PARD3: variants seen among roughly 807,000 people sequenced by gnomAD.
The protein encoded by PARD3 is partitioning defective 3 homolog.
PARD3 carries 75 observed loss-of-function variants against 155.4 expected under a neutral mutation model. The observed-to-expected ratio is 0.48, with a 90% CI of 0.40 to 0.58. PARD3 has a LOEUF of 0.58. Ranked by LOEUF, PARD3 falls within the 20% of genes least tolerant of loss-of-function variation. The pLI, the probability that PARD3 is intolerant of heterozygous loss-of-function variation, is 0.00. For missense variants in PARD3, 1,642 were observed against 1,721.7 expected, an observed-to-expected ratio of 0.95 and a Z score of 0.82; for synonymous variants, 576 against 610.5, an observed-to-expected ratio of 0.94 and a Z score of 0.83.
intron 4 of PARD3, among the ~76,000 whole-genome samples, chr10:34,459,682 T>C (rs1028065382): frequency 1.3e-5 from 2 of 152,164 alleles, no homozygotes; most frequent in African/African-American, 2.4e-5. Flanking sequence ...ATGTGCATCA[T>C]AAATATTTTA....
intron 3 of PARD3, among the ~76,000 whole-genome samples, chr10:34,486,309 TTTTCAGG>T (rs1564768091): frequency 2.0e-5 from 3 of 152,020 alleles, no homozygotes; most frequent in Admixed American, 1.3e-4. Flanking sequence ...CCCGAACTAG[TTTTCAGG>T]TTTACATTGG....
chr10:34,298,929 G>A (rs1957032808), intron 20 of PARD3, among the ~76,000 whole-genome samples: 1 of 152,214 alleles, frequency 6.6e-6, no homozygotes, highest in Non-Finnish European at 1.5e-5. Flanking sequence ...AAGTATTTGA[G>A]TCTGTGCTAC....
At chr10:34,641,868 G>T (rs1205997408) in intron 2 of PARD3, among the ~76,000 whole-genome samples, 11 of 152,170 alleles carry the variant, frequency 7.2e-5, no homozygotes, top group Admixed American at 5.2e-4. Flanking sequence ...CATCCAGAAG[G>T]GAGCGTGGAG....
intron 2 of PARD3, among the ~76,000 whole-genome samples, chr10:34,640,490 A>G (rs943995940): frequency 1.3e-5 from 2 of 151,406 alleles, no homozygotes; most frequent in Middle Eastern, 3.4e-3. Context: ...GGTGGCATGC[A>G]CCTATAGTCC....
Position 34,450,414 on chromosome 10 carries a change from G to A in PARD3, c.617C>T (p.Thr206Ile). 6.2e-7 allele frequency: 1 copy of A among 1,613,746 alleles called. No homozygotes were observed. Among genetic ancestry groups the A allele is most frequent in the Non-Finnish European group, 8.5e-7 (1 of 1,179,826 alleles). The change falls in exon 5 of 25, where the codon ACT becomes ATT. Residue 206 changes from threonine to isoleucine, a missense_variant. Thr to Ile is a moderately conservative substitution (Grantham distance 89, BLOSUM62 -1). Around this residue, in one of 3 missense-constraint regions of PARD3, gnomAD observed 1,529 missense variants for 1,587.3 expected, o/e 0.96. Transcript: ENST00000374788. The stretch of plus-strand genomic sequence containing the variant: ...CTGAAATTGGTTAGACCAGTTACTA[G>A]TATCCCGCGGGAGGCTTCTGTAGTT... ...DENYRSLPRD[T>I]SNWSNQFQRD...
At chr10:34,131,949 C>G (rs1053786330) in intron 22 of PARD3, among the ~76,000 whole-genome samples, 63 of 151,970 alleles carry the variant, frequency 4.1e-4, no homozygotes, top group Non-Finnish European at 1.5e-4. Flanking sequence ...AGCTTCTGTA[C>G]CTTCTTAGAC....
intron 22 of PARD3, among the ~76,000 whole-genome samples, chr10:34,173,968 G>C (rs1022474844): frequency 2.0e-5 from 3 of 152,100 alleles, no homozygotes; most frequent in African/African-American, 7.2e-5. Context: ...ATCACCAAGG[G>C]AGCTTTACCT....
intron 2 of PARD3, among the ~76,000 whole-genome samples, chr10:34,548,803 T>C (rs2084313794): frequency 6.6e-6 from 1 of 151,192 alleles, no homozygotes; most frequent in African/African-American, 2.4e-5. Flanking sequence ...TGAACAAAAA[T>C]GACATTCACT....
intron 5 of PARD3, among the ~76,000 whole-genome samples, chr10:34,431,740 CAAAAAAAAAAAAAA>C (rs57001926): frequency 1.2e-4 from 3 of 25,180 alleles, no homozygotes; most frequent in Non-Finnish European, 2.1e-4. Flanking sequence ...AACTCTGTCT[CAAAAAAAAAAAAAA>C]AAAAAAAAAA....
At chr10:34,551,098 A>C (rs113601032) in intron 2 of PARD3, among the ~76,000 whole-genome samples, 5 of 152,334 alleles carry the variant, frequency 3.3e-5, no homozygotes, top group African/African-American at 1.2e-4. Flanking sequence ...AAAGCAACCG[A>C]AATGATCAAT....
At chr10:34,442,052 C>G (rs1016543069) in intron 5 of PARD3, among the ~76,000 whole-genome samples, 12 of 152,110 alleles carry the variant, frequency 7.9e-5, no homozygotes, top group Admixed American at 7.9e-4. Flanking sequence ...GAGATAAACA[C>G]GACTATTTTG....
At chr10:34,205,685 C>T (rs1034479332) in intron 22 of PARD3, among the ~76,000 whole-genome samples, 6 of 152,138 alleles carry the variant, frequency 3.9e-5, no homozygotes, top group Admixed American at 3.3e-4. Flanking sequence ...AAGGGGATGG[C>T]GGCAGCAGAG....
At chr10:34,312,299 C>A (rs1235623539) in intron 20 of PARD3, 8 of 1,602,806 alleles carry the variant, frequency 5.0e-6, no homozygotes, top group Non-Finnish European at 6.8e-6. Flanking sequence ...TTAAAAAAAA[C>A]AACAACTGTG....
intron 2 of PARD3, among the ~76,000 whole-genome samples, chr10:34,555,311 T>C (rs1343519932): frequency 2.0e-5 from 3 of 152,202 alleles, no homozygotes; most frequent in Admixed American, 1.3e-4. Flanking sequence ...TAAGGCCCTT[T>C]GAATGTTACC....
chr10:34,251,849 T>C (rs907103952), intron 22 of PARD3, among the ~76,000 whole-genome samples: 2 of 152,174 alleles, frequency 1.3e-5, no homozygotes, highest in Non-Finnish European at 2.9e-5. Context: ...ATACATCCCA[T>C]AAACTGTCTT....
Position 34,399,318 on chromosome 10 carries a change from A to C in PARD3, c.890+12T>G. Reference sequence around the variant, plus strand: ...CATTATGATTCAATTAAAAACCTCCAAGATACGTTACCTGCCGCCTCGAGC... The same window carrying C: ...CATTATGATTCAATTAAAAACCTCCCAGATACGTTACCTGCCGCCTCGAGC... On this transcript the variant is annotated intron_variant, in intron 7 of 24. Transcript: ENST00000374788. 1 of 1,545,196 alleles carries C rather than the reference A, an allele frequency of 6.5e-7. No homozygotes were observed. Among genetic ancestry groups the C allele is most frequent in the Non-Finnish European group, 9.0e-7 (1 of 1,117,120 alleles).
At chr10:34,508,329 T>G (rs551646189) in intron 3 of PARD3, among the ~76,000 whole-genome samples, 10 of 152,326 alleles carry the variant, frequency 6.6e-5, no homozygotes, top group African/African-American at 2.4e-4. Flanking sequence ...TCAGATACTT[T>G]GTTTCCCCAA....
intron 2 of PARD3, among the ~76,000 whole-genome samples, chr10:34,640,736 A>AAAAG (rs2092651601): frequency 6.9e-6 from 1 of 144,142 alleles, no homozygotes; most frequent in African/African-American, 2.6e-5. Flanking sequence ...AAAAAAAAAA[A>AAAAG]GCACTTTTAG....
intron 5 of PARD3, among the ~76,000 whole-genome samples, chr10:34,416,891 G>A (rs1050126090): frequency 2.2e-4 from 34 of 152,212 alleles, no homozygotes; most frequent in African/African-American, 8.2e-4. Flanking sequence ...ACTTCATCTT[G>A]CTTCTAAACT....
Sources: allele counts gnomAD v4.1 joint callset (sites outside exome capture counted in the v4.1 genomes callset), GRCh38; gene constraint gnomAD v4.1.1; regional missense constraint gnomAD v4.1.1; transcripts MANE v1.5; gene names NCBI Gene and HGNC (gene_info 2026-07-23, HGNC 2026-07-21).